COL5A2: variants seen among roughly 807,000 people sequenced by gnomAD.
COL5A2 encodes collagen alpha-2(V) chain.
COL5A2 carries 23 observed loss-of-function variants against 208.2 expected under a neutral mutation model. That is an observed-to-expected ratio of 0.11 (90% CI 0.08 to 0.16). COL5A2 has a LOEUF of 0.16. COL5A2 is among the 10% of genes least tolerant of loss of function. COL5A2 has a pLI of 1.00. For synonymous variants in COL5A2, 625 were observed against 628.5 expected, an observed-to-expected ratio of 0.99 and a Z score of 0.08; for missense variants, 1,590 against 1,956.4, an observed-to-expected ratio of 0.81 and a Z score of 3.53.
chr2:189,064,277 T>TAAAG (rs71020981), intron 25 of COL5A2, among the ~76,000 whole-genome samples: 1 of 151,324 alleles, frequency 6.6e-6, no homozygotes, highest in African/African-American at 2.4e-5. Flanking sequence ...TGCTAACAAG[T>TAAAG]TATAAAATTT....
rs372830159 is a variant in COL5A2, at chr2:189,105,398, A to G, written c.323-1121T>C. 1.3e-4 allele frequency among the ~76,000 whole-genome samples: 19 copies of G among 151,710 alleles called. No individual in the cohort carries two copies. The East Asian group carries it at 3.5e-3, about 28-fold the overall frequency. ...CTATCAAACATTTTAATTTTGGCCAATCTGATAGGTAAAACATGATAGCTC... is the reference window on the plus strand; with the variant it reads ...CTATCAAACATTTTAATTTTGGCCAGTCTGATAGGTAAAACATGATAGCTC... On this transcript the variant is annotated intron_variant, in intron 2 of 53. Transcript: ENST00000374866.
At chr2:189,269,154 G>C in the COL5A2 span, among the ~76,000 whole-genome samples, 1 of 152,044 alleles carries the variant, frequency 6.6e-6, no homozygotes, top group African/African-American at 2.4e-5. Context: ...AAAACAGAGG[G>C]TTATTTTCCC....
At chr2:189,079,884 C>T in intron 14 of COL5A2, 94 bp downstream of exon 14, 1 of 1,046,496 alleles carries the variant, frequency 9.6e-7, no homozygotes, top group South Asian at 1.3e-5. Context: ...GCCCTCTCTC[C>T]TGCTGAATTA....
At chr2:189,109,200 C>G (rs1341458457) in intron 2 of COL5A2, among the ~76,000 whole-genome samples, 1 of 151,938 alleles carries the variant, frequency 6.6e-6, no homozygotes. Context: ...ATTTGCTATT[C>G]ACTTATCCCC....
chr2:189,037,083 C>T (rs1173392658), intron 51 of COL5A2, among the ~76,000 whole-genome samples: 1 of 151,996 alleles, frequency 6.6e-6, no homozygotes, highest in Admixed American at 6.6e-5. Context: ...GAAAACCATA[C>T]CGAAAAGAGA....
At chr2:189,157,564 G>A (rs1215498820) in intron 1 of COL5A2, among the ~76,000 whole-genome samples, 4 of 151,960 alleles carry the variant, frequency 2.6e-5, no homozygotes, top group African/African-American at 9.7e-5. Context: ...GGACAGAGTA[G>A]ACTACATGGA....
At chr2:189,432,367 A>G in the COL5A2 span, among the ~76,000 whole-genome samples, 1 of 152,246 alleles carries the variant, frequency 6.6e-6, no homozygotes, top group African/African-American at 2.4e-5. Context: ...AAATGCCCCA[A>G]TTAAAAGACA....
the COL5A2 span, among the ~76,000 whole-genome samples, chr2:189,391,751 G>A: frequency 6.6e-6 from 1 of 152,054 alleles, no homozygotes; most frequent in Non-Finnish European, 1.5e-5. Context: ...AATGTAAAAA[G>A]AAAAAGGTTA....
chr2:189,074,595 T>G (rs1176285095), intron 17 of COL5A2, among the ~76,000 whole-genome samples: 1 of 152,198 alleles, frequency 6.6e-6, no homozygotes, highest in African/African-American at 2.4e-5. Context: ...CTCTTGCATA[T>G]CTAATCACGA....
chr2:189,116,386 C>T (rs1244730984), intron 1 of COL5A2, among the ~76,000 whole-genome samples: 2 of 152,084 alleles, frequency 1.3e-5, no homozygotes, highest in Non-Finnish European at 2.9e-5. Flanking sequence ...AAGGGAAAGA[C>T]GAAGAGGGAC....
At chr2:189,425,052 C>T in the COL5A2 span, among the ~76,000 whole-genome samples, 170 of 152,286 alleles carry the variant, frequency 1.1e-3, no homozygotes, top group African/African-American at 3.7e-3. Context: ...GGGGAAAGGA[C>T]AGTCTCTTCA....
the COL5A2 span, among the ~76,000 whole-genome samples, chr2:189,370,526 TTATC>T: frequency 2.6e-5 from 4 of 152,094 alleles, no homozygotes; most frequent in East Asian, 7.7e-4. Flanking sequence ...GGCTGTCACA[TTATC>T]TAAAATAAAA....
the COL5A2 span, among the ~76,000 whole-genome samples, chr2:189,327,096 T>TAATAAA: frequency 6.9e-6 from 1 of 145,062 alleles, no homozygotes; most frequent in African/African-American, 2.5e-5. Context: ...ATAATAATAA[T>TAATAAA]AAATAAAAAA....
the COL5A2 span, among the ~76,000 whole-genome samples, chr2:189,428,634 A>G: frequency 6.6e-6 from 1 of 151,848 alleles, no homozygotes; most frequent in African/African-American, 2.4e-5. Flanking sequence ...AAAATAAAAA[A>G]GTATGAAGCA....
At chr2:189,101,518 T>C (rs1687045592) in intron 3 of COL5A2, among the ~76,000 whole-genome samples, 1 of 152,100 alleles carries the variant, frequency 6.6e-6, no homozygotes, top group African/African-American at 2.4e-5. Flanking sequence ...TTTATAAATG[T>C]GTCCATGGTA....
intron 7 of COL5A2, among the ~76,000 whole-genome samples, chr2:189,089,018 C>A (rs1686726114): frequency 6.6e-6 from 1 of 152,004 alleles, no homozygotes; most frequent in Non-Finnish European, 1.5e-5. Context: ...TGAAACAGGG[C>A]AAATGTCTGA....
At chr2:189,098,614 G>T in intron 5 of COL5A2, 113 bp downstream of exon 5, 1 of 873,534 alleles carries the variant, frequency 1.1e-6, no homozygotes, top group South Asian at 1.4e-5. Flanking sequence ...TGTTTTAAGA[G>T]ACCAAGTATC....
chr2:189,405,453 A>T, the COL5A2 span, among the ~76,000 whole-genome samples: 2 of 151,996 alleles, frequency 1.3e-5, no homozygotes, highest in African/African-American at 4.8e-5. Flanking sequence ...GCTGGCTCAA[A>T]CTCCTGACCT....
chr2:189,406,757 T>C, the COL5A2 span, among the ~76,000 whole-genome samples: 2 of 152,254 alleles, frequency 1.3e-5, no homozygotes, highest in Admixed American at 6.5e-5. Context: ...ATTAATTTGT[T>C]ACTAGAGTTT....
Sources: allele counts gnomAD v4.1 joint callset (sites outside exome capture counted in the v4.1 genomes callset), GRCh38; gene constraint gnomAD v4.1.1; transcripts MANE v1.5; gene names NCBI Gene and HGNC (gene_info 2026-07-23, HGNC 2026-07-21).